OGT: variants seen among roughly 807,000 people sequenced by gnomAD.
OGT encodes the protein O-linked N-acetylglucosamine (GlcNAc) transferase.
OGT carries 3 observed loss-of-function variants against 75.8 expected under a neutral mutation model. The observed-to-expected ratio is 0.04, with a 90% CI of 0.02 to 0.10. The LOEUF (loss-of-function observed/expected upper bound fraction) is 0.10, where lower values mean the gene tolerates loss of function less well. Among genes scored for constraint, OGT ranks in the 10% least tolerant of loss-of-function variants. The pLI is 1.00. For missense variants in OGT, 260 were observed against 824.4 expected, an observed-to-expected ratio of 0.32 and a Z score of 8.38; for synonymous variants, 257 against 289.7, an observed-to-expected ratio of 0.89 and a Z score of 1.15.
chrX:71,536,511 C>T, intron 2 of OGT, 153 bp downstream of exon 2: 1 of 386,722 alleles, frequency 2.6e-6, no homozygotes, highest in East Asian at 4.4e-5. Flanking sequence ...TTGTGACATG[C>T]CCAGCTGCCA....
At chrX:71,544,424 G>T in intron 3 of OGT, 143 bp from the exon 4 acceptor site, 1 of 517,518 alleles carries the variant, frequency 1.9e-6, no homozygotes, top group East Asian at 3.7e-5. Flanking sequence ...ATGAGGGGTT[G>T]TGGTCCTGCA....
In OGT at chrX:71,573,046, ATTTC is replaced by A. The variant is rs1248458735; in HGVS notation, c.2967-570_2967-567del. Among the ~76,000 whole-genome samples the A allele has an allele frequency of 3.6e-5, 4 of 112,191 alleles. No individual in the cohort carries two copies. The East Asian group carries it at 1.1e-3, about 31-fold the overall frequency. ...AAAATTACGAGAGTAGACTTATTGT[ATTTC>A]TTTTCCCCTTGAGTGGTTTTCTGTT... On this transcript the variant is annotated intron_variant, in intron 21 of 21. Coordinates refer to ENST00000373719, the MANE Select transcript of OGT (RefSeq NM_181672.3).
At chrX:71,536,076 A>T in intron 1 of OGT, 102 bp from the exon 2 acceptor site, 2 of 698,047 alleles carry the variant, frequency 2.9e-6, no homozygotes, top group Non-Finnish European at 4.2e-6. Context: ...AAGCATTTCC[A>T]TTTTTAAGTT....
intron 4 of OGT, 96 bp downstream of exon 4, chrX:71,544,731 C>A: frequency 1.4e-6 from 1 of 713,626 alleles, no homozygotes; most frequent in Non-Finnish European, 2.1e-6. Context: ...CTTCACAAAA[C>A]AGTCCTTTGA....
chrX:71,546,506 T>C, intron 4 of OGT: 2 of 754,453 alleles, frequency 2.7e-6, no homozygotes, highest in East Asian at 3.0e-4. Context: ...GGTTTGTAAC[T>C]GCCACAGCAA....
chrX:71,536,226 A>G lies in OGT; in HGVS notation c.86A>G (p.His29Arg). Residue 29 changes from histidine to arginine, a missense_variant, in exon 2 of 22, where the codon CAT becomes CGT. This residue lies in a region of OGT where 38 missense variants were observed against 117.1 expected (regional missense o/e 0.32). Coordinates refer to ENST00000373719, the MANE Select transcript of OGT (RefSeq NM_181672.3). ...TTCCAAGGGTTAGCTGAGTTGGCAC[A>G]TCGAGAATATCAGGCAGGAGATTTT... ...LSFQGLAELA[H>R]REYQAGDFEA... 1 of 1,209,957 alleles carries G rather than the reference A, an allele frequency of 8.3e-7. No homozygotes were observed. The highest frequency in any genetic ancestry group is 1.1e-6 in the Non-Finnish European group (1 of 894,687).
intron 5 of OGT, among the ~76,000 whole-genome samples, chrX:71,552,711 C>CT (rs763506860): frequency 0.012 from 1,132 of 90,634 alleles, 15 homozygotes; most frequent in African/African-American, 0.035. Context: ...GAATTGCTGT[C>CT]TTTTTTTTTT....
chrX:71,535,911 G>A (rs1204090678), intron 1 of OGT, among the ~76,000 whole-genome samples: 1 of 111,692 alleles, frequency 9.0e-6, no homozygotes, highest in East Asian at 2.8e-4. Flanking sequence ...AGTATTTTTG[G>A]TCATAAAATG....
chrX:71,567,220 CCT>C (rs1325741810), intron 19 of OGT, among the ~76,000 whole-genome samples: 1 of 112,337 alleles, frequency 8.9e-6, no homozygotes. Context: ...ATGCAAAATT[CCT>C]CTCTCAGCAA....
intron 20 of OGT, 93 bp from the exon 21 acceptor site, chrX:71,567,900 T>A: frequency 9.2e-7 from 1 of 1,091,375 alleles, no homozygotes; most frequent in Non-Finnish European, 1.2e-6. Flanking sequence ...TTCATTCTCT[T>A]CATCTGCGTT....
intron 4 of OGT, chrX:71,547,424 A>G (rs1480761594): frequency 2.7e-6 from 2 of 727,551 alleles, no homozygotes; most frequent in Non-Finnish European, 3.2e-6. Context: ...CTATTTTCCG[A>G]ATTTATTTGA....
rs149872320 is a variant in OGT at position 71,540,987 on chromosome X, A to G, written c.462+2915A>G. On this transcript the variant is annotated intron_variant, in intron 3 of 21. Transcript: ENST00000373719. ...TGTGCCTGGCAGTCTGTTGTATTTG[A>G]AGGTGTTATTGCAGATAGCACCTTG... is the stretch of plus-strand genomic sequence containing the variant. 7.4e-3 allele frequency among the ~76,000 whole-genome samples: 830 copies of G among 111,958 alleles called. 9 individuals are homozygous for G. The highest frequency in any genetic ancestry group is 0.026 in the African/African-American group (791 of 30,756).
intron 12 of OGT, among the ~76,000 whole-genome samples, chrX:71,558,385 CAT>C (rs1485624853): frequency 2.9e-5 from 3 of 104,941 alleles, no homozygotes; most frequent in African/African-American, 7.0e-5. Context: ...TTTTTTGAGA[CAT>C]AGTGTCTCTG....
At chrX:71,558,940 A>C (rs1322686620) in intron 12 of OGT, among the ~76,000 whole-genome samples, 16 of 83,549 alleles carry the variant, frequency 1.9e-4, no homozygotes, top group Non-Finnish European at 3.3e-4. Flanking sequence ...CGCCCAGCTA[A>C]TTTTTTTTTT....
At position 71,562,955 on chromosome X, in the gene OGT, T is replaced by C. The variant is rs1310745139; in HGVS notation, c.2086T>C (p.Leu696=). The change falls in exon 16 of 22, where the codon TTG becomes CTG. Residue 696 remains leucine, a synonymous_variant. Coordinates refer to ENST00000373719, the MANE Select transcript of OGT (RefSeq NM_181672.3). The part of the protein sequence containing the change: ...AEVAEQYSEK[L]AYMPHTFFIG... ...AGTTGCTGAGCAGTATTCCGAGAAA[T>C]TGGCTTATATGCCCCACACTTTTTT... 8.3e-7 allele frequency: 1 copy of C among 1,210,532 alleles called. No individual in the cohort carries two copies. Among genetic ancestry groups the C allele is most frequent in the South Asian group, 1.8e-5 (1 of 56,937 alleles).
intron 14 of OGT, 147 bp from the exon 15 acceptor site, chrX:71,561,627 GT>G (rs2040385276): frequency 2.4e-6 from 1 of 409,495 alleles, no homozygotes; most frequent in Non-Finnish European, 4.0e-6. Context: ...CCGAATTAAT[GT>G]AGTTAATTTG....
At chrX:71,559,040 C>T (rs1182671585) in intron 12 of OGT, among the ~76,000 whole-genome samples, 1 of 106,580 alleles carries the variant, frequency 9.4e-6, no homozygotes, top group Non-Finnish European at 1.9e-5. Flanking sequence ...CCTTGGCTTC[C>T]CAGAGCGCTG....
chrX:71,565,284 T>C (rs1455633655), intron 19 of OGT, among the ~76,000 whole-genome samples: 1 of 112,202 alleles, frequency 8.9e-6, no homozygotes, highest in African/African-American at 3.2e-5. Context: ...TGCAGTGTAG[T>C]GGTGTGATCT....
chrX:71,555,047 GTAAT>G (rs953056003), intron 6 of OGT, 139 bp from the exon 7 acceptor site: 19 of 434,535 alleles, frequency 4.4e-5, no homozygotes, highest in African/African-American at 4.3e-4. Context: ...CATGAATTAT[GTAAT>G]TAATTACAAT....
Sources: gnomAD v4.1 joint callset for allele counts (sites outside exome capture counted in the v4.1 genomes callset) on GRCh38, gnomAD v4.1.1 for gene constraint, gnomAD v4.1.1 regional missense constraint, MANE v1.5 for transcripts, NCBI Gene and HGNC (gene_info 2026-07-23, HGNC 2026-07-21) for gene names.